BOLL: variants seen among roughly 807,000 people sequenced by gnomAD.
BOLL encodes the protein boule RNA binding protein, also known as protein boule-like.
In BOLL, 23 loss-of-function variants were observed where a neutral mutation model predicts 44.4. That is an observed-to-expected ratio of 0.52 (90% CI 0.37 to 0.73). The LOEUF is 0.73. BOLL is among the 30% of genes least tolerant of loss of function. The pLI, the probability that BOLL is intolerant of heterozygous loss-of-function variation, is 0.00. For synonymous variants in BOLL, 97 were observed against 110.8 expected (o/e 0.88, Z 0.78); for missense variants, 287 against 338.3 (o/e 0.85, Z 1.19).
At chr2:197,759,082 C>T (rs1688637914) in intron 7 of BOLL, 1 of 1,078,514 alleles carries the variant, frequency 9.3e-7, no homozygotes, top group African/African-American at 1.6e-5. Context: ...TCCACTGGCT[C>T]CCCACCCCGC....
At position 197,771,994 on chromosome 2, in the gene BOLL, A is replaced by G; in HGVS notation, c.353-12T>C. ...CATTATACTAGAACCTAAAGCAAAG[A>G]TTAAATAATAATAATTGAAATGTTC... is the stretch of plus-strand genomic sequence containing the variant. On this transcript the variant is annotated splice_polypyrimidine_tract_variant and intron_variant, in intron 5 of 10. Coordinates refer to ENST00000392296, the MANE Select transcript of BOLL (RefSeq NM_033030.6). The G allele has an allele frequency of 1.3e-6, 2 of 1,540,342 alleles. No individual in the cohort carries two copies. The highest frequency in any genetic ancestry group is 1.8e-6 in the Non-Finnish European group (2 of 1,136,548).
At chr2:197,729,089 A>G (rs1044887722) in intron 10 of BOLL, among the ~76,000 whole-genome samples, 4 of 152,180 alleles carry the variant, frequency 2.6e-5, no homozygotes, top group African/African-American at 9.6e-5. Flanking sequence ...AGGGAGTGCC[A>G]GACAGTGGGC....
At chr2:197,783,081 A>C (rs1403021971) in intron 1 of BOLL, among the ~76,000 whole-genome samples, 1 of 152,172 alleles carries the variant, frequency 6.6e-6, no homozygotes, top group African/African-American at 2.4e-5. Context: ...TTCCATCTGG[A>C]AACACTAAAC....
intron 10 of BOLL, among the ~76,000 whole-genome samples, chr2:197,735,744 T>A (rs1425711983): frequency 6.6e-6 from 1 of 152,182 alleles, no homozygotes; most frequent in African/African-American, 2.4e-5. Flanking sequence ...TATCAGGCTG[T>A]CTATGCATGT....
Position 197,726,909 on chromosome 2 carries a change from T to A in BOLL, c.*1646A>T, listed in dbSNP as rs1424614678. The A allele has an allele frequency of 6.6e-6, 1 of 152,618 alleles. No individual in the cohort carries two copies. The highest frequency in any genetic ancestry group is 1.5e-5 in the Non-Finnish European group (1 of 68,040). The allele number at this position is 152,618 out of a possible 1,614,324, so 9.5% of individuals were successfully genotyped here. On this transcript the variant is annotated 3_prime_UTR_variant, in exon 11 of 11. Transcript: ENST00000392296. Reference sequence around the variant, plus strand: ...TCCTTATCCAATAATACATAATTAATTTTTATTAACAGTCCAGGATTTGTT... The same window carrying A: ...TCCTTATCCAATAATACATAATTAAATTTTATTAACAGTCCAGGATTTGTT...
At chr2:197,763,172 C>T (rs1342070116) in intron 7 of BOLL, among the ~76,000 whole-genome samples, 1 of 152,066 alleles carries the variant, frequency 6.6e-6, no homozygotes, top group East Asian at 1.9e-4. Flanking sequence ...TAAACCAAGA[C>T]TGAAGAAATT....
At chr2:197,745,631 A>G (rs1353850680) in intron 9 of BOLL, among the ~76,000 whole-genome samples, 1 of 152,226 alleles carries the variant, frequency 6.6e-6, no homozygotes, top group Non-Finnish European at 1.5e-5. Flanking sequence ...AAACCAGAAA[A>G]CAACAAAAAG....
intron 10 of BOLL, among the ~76,000 whole-genome samples, chr2:197,734,175 A>G (rs1481050457): frequency 2.0e-5 from 3 of 151,554 alleles, no homozygotes; most frequent in Non-Finnish European, 4.4e-5. Flanking sequence ...CACTTCTCAA[A>G]AGAAGACATT....
intron 10 of BOLL, among the ~76,000 whole-genome samples, chr2:197,731,425 G>C (rs1180655164): frequency 2.1e-5 from 3 of 145,524 alleles, no homozygotes; most frequent in African/African-American, 7.8e-5. Context: ...AGTCAACAAG[G>C]ATACCCAGGA....
At chr2:197,758,820 C>A in intron 7 of BOLL, 1 of 658,574 alleles carries the variant, frequency 1.5e-6, no homozygotes, top group South Asian at 2.5e-5. Flanking sequence ...TATAATATAG[C>A]AAGAAACTGA....
chr2:197,758,321 A>G (rs917716813), intron 7 of BOLL, among the ~76,000 whole-genome samples: 4 of 152,216 alleles, frequency 2.6e-5, no homozygotes, highest in Non-Finnish European at 4.4e-5. Flanking sequence ...ATATTATTTG[A>G]GAACGAAGTA....
chr2:197,782,758 A>G (rs534629851), intron 1 of BOLL, among the ~76,000 whole-genome samples: 1 of 152,334 alleles, frequency 6.6e-6, no homozygotes, highest in South Asian at 2.1e-4. Context: ...AAACTCTAAC[A>G]TTCACATTCA....
chr2:197,736,832 C>A (rs1030582993), intron 10 of BOLL, among the ~76,000 whole-genome samples: 1 of 152,012 alleles, frequency 6.6e-6, no homozygotes, highest in African/African-American at 2.4e-5. Context: ...ATTCTGTATT[C>A]TTTTCTTGAG....
rs1690016341 is a variant in BOLL at position 197,785,218 on chromosome 2, AAAG to A, written c.-181_-179del. On this transcript the variant is annotated 5_prime_UTR_variant, in exon 1 of 11. Coordinates refer to ENST00000392296, the MANE Select transcript of BOLL (RefSeq NM_033030.6). The surrounding 1 kb of genome is among the most constrained non-coding windows in gnomAD (Gnocchi z 6.7). Reference sequence around the variant, plus strand: ...CCTCCCCACCAAAGTGCGGGAGGGAAAAGAAGGCTAGCCAGCGAGAAATTTTGC... The same window carrying A: ...CCTCCCCACCAAAGTGCGGGAGGGAAAAGGCTAGCCAGCGAGAAATTTTGC... The A allele has an allele frequency of 4.1e-6, 4 of 985,902 alleles. No homozygotes were observed. Among genetic ancestry groups the A allele is most frequent in the Non-Finnish European group, 4.8e-6 (4 of 829,928 alleles). 61.1% of individuals were successfully genotyped at this position (985,902 alleles called of 1,614,324 possible).
At chr2:197,768,529 C>G (rs190876999) in intron 6 of BOLL, among the ~76,000 whole-genome samples, 2 of 151,422 alleles carry the variant, frequency 1.3e-5, no homozygotes, top group Non-Finnish European at 3.0e-5. Flanking sequence ...AACAAAATAG[C>G]AGAAAAAAGA....
At chr2:197,758,582 G>T (rs1309340459) in intron 7 of BOLL, among the ~76,000 whole-genome samples, 1 of 152,144 alleles carries the variant, frequency 6.6e-6, no homozygotes, top group East Asian at 1.9e-4. Context: ...AACAAATGTG[G>T]CTGTGTTCCA....
intron 10 of BOLL, among the ~76,000 whole-genome samples, chr2:197,731,871 C>A (rs918401868): frequency 1.3e-5 from 2 of 150,472 alleles, no homozygotes; most frequent in African/African-American, 2.5e-5. Context: ...AGGAAAGATA[C>A]AAAATTGACA....
chr2:197,748,521 G>A (rs527377124), intron 9 of BOLL, among the ~76,000 whole-genome samples: 54 of 152,326 alleles, frequency 3.5e-4, no homozygotes, highest in Admixed American at 3.9e-4. Context: ...GTCTGAAGTC[G>A]ACCTGGGATG....
rs1689007518 is a variant in BOLL at position 197,766,551 on chromosome 2, T to G, written c.533A>C (p.Gln178Pro). The G allele has an allele frequency of 1.2e-6, 2 of 1,611,908 alleles. No homozygotes were observed. Among genetic ancestry groups the G allele is most frequent in the African/African-American group, 2.7e-5 (2 of 74,990 alleles). The change falls in exon 7 of 11, where the codon CAA (glutamine) becomes CCA (proline). Residue 178 changes from glutamine (Q) to proline (P), a missense_variant. By Grantham distance (76) the Gln-to-Pro change is moderately conservative. Transcript: ENST00000392296. ...GTTTACCTGGTAGTGATATGCAGGT[T>G]GCTGATAAATGGGCTGAGCTACCAT... ...PVMVAQPIYQ[Q>P]PAYHYQATTQ...
Sources: gnomAD v4.1 joint callset for allele counts (sites outside exome capture counted in the v4.1 genomes callset) on GRCh38, gnomAD v4.1.1 for gene constraint, Gnocchi (gnomAD v3.1) non-coding constraint, MANE v1.5 for transcripts, NCBI Gene and HGNC (gene_info 2026-07-23, HGNC 2026-07-21) for gene names.